NCK1: variants seen among roughly 807,000 people sequenced by gnomAD.
NCK1 encodes the protein SH2/SH3 adapter protein NCK1.
NCK1 carries 19 observed loss-of-function variants against 36.6 expected under a neutral mutation model. That is an observed-to-expected ratio of 0.52 (90% confidence interval 0.36 to 0.76). The LOEUF (loss-of-function observed/expected upper bound fraction) is 0.76, where lower values mean the gene tolerates loss of function less well. NCK1 is among the 30% of genes least tolerant of loss of function. The probability of loss-of-function intolerance (pLI) is 0.00; values close to 1 mark genes in which losing one functional copy is unlikely to be tolerated. For missense variants in NCK1, 358 were observed against 445.6 expected, an observed-to-expected ratio of 0.80 and a Z score of 1.77; for synonymous variants, 165 against 156.0, an observed-to-expected ratio of 1.06 and a Z score of -0.43.
intron 2 of NCK1, among the ~76,000 whole-genome samples, chr3:136,942,364 T>C (rs1437019553): frequency 1.3e-5 from 2 of 152,220 alleles, no homozygotes; most frequent in Non-Finnish European, 2.9e-5. Flanking sequence ...TTAGTGACTT[T>C]ACTAAACTAC....
chr3:136,878,719 A>T (rs953907694), intron 1 of NCK1, among the ~76,000 whole-genome samples: 3 of 152,022 alleles, frequency 2.0e-5, no homozygotes, highest in African/African-American at 7.2e-5. Flanking sequence ...ATTTTTTTTT[A>T]AGAAAGGTTG....
intron 2 of NCK1, among the ~76,000 whole-genome samples, chr3:136,944,065 G>A (rs1235865726): frequency 6.7e-6 from 1 of 149,632 alleles, no homozygotes; most frequent in South Asian, 2.1e-4. Flanking sequence ...ATAATAAAGA[G>A]TTGGGAGTGT....
At chr3:136,913,561 C>T (rs540059270) in intron 1 of NCK1, among the ~76,000 whole-genome samples, 4 of 152,322 alleles carry the variant, frequency 2.6e-5, no homozygotes, top group Admixed American at 2.0e-4. Flanking sequence ...AGACACTGCA[C>T]CCAGCCCTTT....
intron 1 of NCK1, among the ~76,000 whole-genome samples, chr3:136,889,661 T>C (rs1048060480): frequency 6.6e-6 from 1 of 152,082 alleles, no homozygotes; most frequent in Non-Finnish European, 1.5e-5. Flanking sequence ...TTGGTGCGTT[T>C]ACAATCCCTG....
chr3:136,876,575 T>G (rs1006190349), intron 1 of NCK1, among the ~76,000 whole-genome samples: 4 of 149,134 alleles, frequency 2.7e-5, no homozygotes. Flanking sequence ...AGGTTTTTTG[T>G]TTTTTTTTTA....
chr3:136,941,023 CTGATAAG>C (rs1940657850), intron 2 of NCK1, among the ~76,000 whole-genome samples: 1 of 151,540 alleles, frequency 6.6e-6, no homozygotes, highest in South Asian at 2.1e-4. Context: ...AAAGTTATAT[CTGATAAG>C]GAAGGATTTC....
rs551514395 is a variant in NCK1 at position 136,924,049 on chromosome 3, T to TC, written c.-18-3934dup. On this transcript the variant is annotated intron_variant, in intron 1 of 3. Transcript: ENST00000481752. ...ACATCATCATTATTGAAATAGTTGA[T>TC]CTAGGCAGTGATCATCAGTGGCAGG... is the stretch of plus-strand genomic sequence containing the variant. Among the ~76,000 whole-genome samples the TC allele has an allele frequency of 4.2e-4, 64 of 152,304 alleles. 1 individual carries two copies. The South Asian group carries it at 9.2e-3, about 22-fold the overall frequency.
chr3:136,925,518 T>C (rs925426881), intron 1 of NCK1, among the ~76,000 whole-genome samples: 1 of 152,204 alleles, frequency 6.6e-6, no homozygotes, highest in Non-Finnish European at 1.5e-5. Flanking sequence ...CTTACTTCCC[T>C]CCTGTTCCTG....
chr3:136,899,836 C>G, intron 1 of NCK1: 1 of 1,476,666 alleles, frequency 6.8e-7, no homozygotes. Context: ...ACTTCTAAGT[C>G]TCTCTGGTAG....
intron 1 of NCK1, among the ~76,000 whole-genome samples, chr3:136,874,217 C>T (rs1938703702): frequency 6.6e-6 from 1 of 152,234 alleles, no homozygotes; most frequent in East Asian, 1.9e-4. Context: ...GCTCTGTCAC[C>T]CAGGCTGGAG....
At chr3:136,930,942 AG>A (rs1940374527) in intron 2 of NCK1, among the ~76,000 whole-genome samples, 2 of 151,750 alleles carry the variant, frequency 1.3e-5, no homozygotes, top group African/African-American at 4.8e-5. Flanking sequence ...AAAAAGGATT[AG>A]GTGAACAAAT....
intron 1 of NCK1, among the ~76,000 whole-genome samples, chr3:136,923,568 A>AAAT (rs1940168704): frequency 6.6e-6 from 1 of 150,498 alleles, no homozygotes; most frequent in African/African-American, 2.5e-5. Context: ...TCAAATAAAT[A>AAAT]AATAAATAAA....
rs1486732024 is a variant in NCK1 at position 136,891,074 on chromosome 3, C to T, written c.-19+28721C>T. On this transcript the variant is annotated intron_variant, in intron 1 of 3. Transcript: ENST00000481752. ...GTAGCATGTGTCTAAAGTTCCTCCC[C>T]GACCAAAGGCTGGTACTGTTCCGTT... 3.3e-5 allele frequency among the ~76,000 whole-genome samples: 5 copies of T among 152,236 alleles called. No individual in the cohort carries two copies. In the East Asian group the frequency reaches 5.8e-4, roughly 18 times the overall value.
chr3:136,921,619 T>C (rs570907636), intron 1 of NCK1, among the ~76,000 whole-genome samples: 11 of 152,344 alleles, frequency 7.2e-5, no homozygotes, highest in Admixed American at 2.6e-4. Flanking sequence ...GAAGATAAAC[T>C]GGACACTAGT....
chr3:136,879,688 G>A (rs745361386), intron 1 of NCK1, among the ~76,000 whole-genome samples: 2 of 152,032 alleles, frequency 1.3e-5, no homozygotes, highest in African/African-American at 2.4e-5. Context: ...CCATAAAAAA[G>A]AATGAGTTCA....
chr3:136,935,110 A>G (rs1400642858), intron 2 of NCK1, among the ~76,000 whole-genome samples: 1 of 152,180 alleles, frequency 6.6e-6, no homozygotes, highest in Non-Finnish European at 1.5e-5. Context: ...CATGTTGGCC[A>G]GGCTGGTCTT....
chr3:136,885,677 G>A (rs1432972763), intron 1 of NCK1, among the ~76,000 whole-genome samples: 3 of 152,156 alleles, frequency 2.0e-5, no homozygotes, highest in Non-Finnish European at 2.9e-5. Flanking sequence ...TCAGTTTGCT[G>A]TGGTGATTAA....
At chr3:136,927,223 C>T (rs945888689) in intron 1 of NCK1, among the ~76,000 whole-genome samples, 9 of 152,236 alleles carry the variant, frequency 5.9e-5, no homozygotes, top group Admixed American at 1.3e-4. Flanking sequence ...CCACCAGCCT[C>T]GGCCTCCCGA....
At chr3:136,890,408 G>A (rs771476014) in intron 1 of NCK1, among the ~76,000 whole-genome samples, 4 of 152,196 alleles carry the variant, frequency 2.6e-5, no homozygotes, top group Admixed American at 6.5e-5. Context: ...CAAGCTGAGG[G>A]AGCAGGCTCT....
Sources: gnomAD v4.1 joint callset for allele counts (sites outside exome capture counted in the v4.1 genomes callset) on GRCh38, gnomAD v4.1.1 for gene constraint, MANE v1.5 for transcripts, NCBI Gene and HGNC (gene_info 2026-07-23, HGNC 2026-07-21) for gene names.